The following ZNF544 variants were observed in gnomAD, a reference collection of about 807,000 sequenced individuals.
ZNF544 encodes the protein zinc finger protein AF020591.
A neutral mutation model predicts 13.5 loss-of-function variants in ZNF544; 10 were observed. The observed-to-expected ratio is 0.74, with a 90% CI of 0.46 to 1.25. The LOEUF (loss-of-function observed/expected upper bound fraction) is 1.25, where lower values mean the gene tolerates loss of function less well. Among genes scored for constraint, ZNF544 ranks in the 50% most tolerant of loss-of-function variants. The pLI, the probability that ZNF544 is intolerant of heterozygous loss-of-function variation, is 0.00. For missense variants in ZNF544, 896 were observed against 845.6 expected (o/e 1.06, Z -0.74); for synonymous variants, 323 against 300.5 (o/e 1.07, Z -0.77).
downstream of ZNF544, chr19:58,266,622 G>A (rs916960155): frequency 4.6e-5 from 7 of 151,890 alleles, no homozygotes; most frequent in Non-Finnish European, 7.4e-5. Flanking sequence ...GGCAGCAGAT[G>A]TGGCAGCCCC....
chr19:58,272,872 CA>C (rs60087012), intron 5 of ZNF544, among the ~76,000 whole-genome samples: 60 of 128,500 alleles, frequency 4.7e-4, no homozygotes, highest in Admixed American at 5.6e-4. Context: ...GTCTCCTTCT[CA>C]AAAAAAAAAA....
intron 3 of ZNF544, among the ~76,000 whole-genome samples, chr19:58,238,526 G>A (rs974935249): frequency 1.3e-5 from 2 of 152,150 alleles, no homozygotes; most frequent in African/African-American, 2.4e-5. Flanking sequence ...AGGAGAGCAC[G>A]CAGGAGGCGT....
rs1011474187 is a variant in ZNF544, at chr19:58,262,258, T to G, written c.1652T>G (p.Ile551Ser). The change falls in exon 7 of 7, where the codon ATT becomes AGT. Residue 551 changes from isoleucine (I) to serine (S), a missense_variant. Coordinates refer to ENST00000687789, the MANE Select transcript of ZNF544 (RefSeq NM_014480.4). Reference protein sequence around the residue: ...IHTGEKPYQCIECGKSFRWNS... With the variant: ...IHTGEKPYQCSECGKSFRWNS... ...ACTGGAGAAAAACCGTATCAGTGTA[T>G]TGAATGTGGGAAATCCTTCAGATGG... The G allele has an allele frequency of 6.2e-7, 1 of 1,613,888 alleles. No individual in the cohort carries two copies. Among genetic ancestry groups the G allele is most frequent in the African/African-American group, 1.3e-5 (1 of 74,930 alleles).
In ZNF544 at chr19:58,261,492, AGTC is replaced by A. The variant is rs1472661504; in HGVS notation, c.887_889del (p.Ser296_Gln297delinsLys). 1 of 1,614,044 alleles carries A rather than the reference AGTC, an allele frequency of 6.2e-7. No individual in the cohort carries two copies. Among genetic ancestry groups the A allele is most frequent in the Non-Finnish European group, 8.5e-7 (1 of 1,180,042 alleles). ...ACAGAAGCCAGTGCATTTTGGGAAA[AGTC>A]AGTATGAGTGTGATGAGTGCAGGGA... is the stretch of plus-strand genomic sequence containing the variant. On this transcript the variant is annotated inframe_deletion, in exon 7 of 7. Coordinates refer to ENST00000687789, the MANE Select transcript of ZNF544 (RefSeq NM_014480.4).
At chr19:58,243,080 A>T (rs746681399) in intron 3 of ZNF544, among the ~76,000 whole-genome samples, 5 of 152,102 alleles carry the variant, frequency 3.3e-5, no homozygotes, top group African/African-American at 4.8e-5. Context: ...TGCCTGCTTC[A>T]GCCTCCCAAA....
chr19:58,261,927 T>C lies in ZNF544; in HGVS notation c.1321T>C (p.Cys441Arg), dbSNP rs1268058667. The C allele has an allele frequency of 4.3e-6, 7 of 1,613,186 alleles. No individual in the cohort carries two copies. Among genetic ancestry groups the C allele is most frequent in the Non-Finnish European group, 5.9e-6 (7 of 1,179,868 alleles). The part of the protein sequence containing the change: ...TGEKPYQCIE[C>R]RKSFRWNSNL... The stretch of plus-strand genomic sequence containing the variant: ...AGAAAAACCGTATCAGTGTATTGAA[T>C]GCAGAAAATCCTTCAGGTGGAACTC... Residue 441 changes from cysteine to arginine, a missense_variant, in exon 7 of 7, where the codon TGC becomes CGC. By Grantham distance (180) the Cys-to-Arg change is radical. Coordinates refer to ENST00000687789, the MANE Select transcript of ZNF544 (RefSeq NM_014480.4).
At chr19:58,276,472 TTTA>T in intron 6 of ZNF544, 3 of 1,163,380 alleles carry the variant, frequency 2.6e-6, no homozygotes, top group Non-Finnish European at 3.2e-6. Flanking sequence ...TTATTTTTAT[TTTA>T]TTTTATTTTT....
intron 3 of ZNF544, among the ~76,000 whole-genome samples, chr19:58,240,680 T>G (rs1387061761): frequency 6.6e-6 from 1 of 151,774 alleles, no homozygotes. Context: ...GAGAATCGCT[T>G]GAACCTGGGA....
At position 58,237,213 on chromosome 19, in the gene ZNF544, G is replaced by A. The variant is rs567388746; in HGVS notation, c.-60+6751G>A. On this transcript the variant is annotated intron_variant, in intron 3 of 6. Transcript: ENST00000687789. ...CAGGTAGCTGGGACTACAGGTGTGC[G>A]CCACCACACCTGGCTAATTTTTGTA... Among the ~76,000 whole-genome samples, 13 of 152,078 alleles carry A rather than the reference G, an allele frequency of 8.5e-5. No homozygotes were observed. In the East Asian group the frequency reaches 2.3e-3, roughly 27 times the overall value.
At chr19:58,243,069 C>T (rs573414789) in intron 3 of ZNF544, among the ~76,000 whole-genome samples, 11 of 152,284 alleles carry the variant, frequency 7.2e-5, no homozygotes, top group South Asian at 4.1e-4. Context: ...CTCAAGCAGT[C>T]TGCCTGCTTC....
intron 3 of ZNF544, among the ~76,000 whole-genome samples, chr19:58,239,705 C>G (rs2043156856): frequency 6.6e-6 from 1 of 152,144 alleles, no homozygotes; most frequent in African/African-American, 2.4e-5. Flanking sequence ...TTGAGCCCAG[C>G]CTGGCCAACA....
At chr19:58,254,698 T>C (rs539866689) in intron 6 of ZNF544, among the ~76,000 whole-genome samples, 2 of 152,310 alleles carry the variant, frequency 1.3e-5, no homozygotes, top group South Asian at 2.1e-4. Flanking sequence ...TCCCAGACTT[T>C]TAGTATCCCA....
downstream of ZNF544, among the ~76,000 whole-genome samples, chr19:58,265,090 G>T (rs1703486928): frequency 6.6e-6 from 1 of 152,144 alleles, no homozygotes; most frequent in South Asian, 2.1e-4. Flanking sequence ...CAGTTGGTTT[G>T]ATTGTAATCA....
intron 5 of ZNF544, among the ~76,000 whole-genome samples, chr19:58,274,770 T>C (rs2051089775): frequency 6.6e-6 from 1 of 152,190 alleles, no homozygotes; most frequent in South Asian, 2.1e-4. Flanking sequence ...TTAAGGCAGT[T>C]GAGTTCCCAT....
intron 5 of ZNF544, among the ~76,000 whole-genome samples, chr19:58,269,445 CAAACAAAAA>C (rs2050338884): frequency 1.2e-5 from 1 of 82,548 alleles, no homozygotes. Flanking sequence ...CAAAAAAAAA[CAAACAAAAA>C]AAATGTCAGG....
intron 6 of ZNF544, chr19:58,251,311 C>T (rs779031567): frequency 1.7e-5 from 9 of 519,044 alleles, no homozygotes; most frequent in South Asian, 7.0e-5. Flanking sequence ...TAAACAGGTA[C>T]TTCAGGTCTT....
chr19:58,254,000 G>A (rs1035359889), intron 6 of ZNF544, among the ~76,000 whole-genome samples: 7 of 152,060 alleles, frequency 4.6e-5, no homozygotes, highest in Non-Finnish European at 7.4e-5. Flanking sequence ...CCAGGCAGGC[G>A]GATCACGAGG....
At chr19:58,233,922 CT>C in intron 3 of ZNF544, among the ~76,000 whole-genome samples, 1 of 152,312 alleles carries the variant, frequency 6.6e-6, no homozygotes, top group East Asian at 1.9e-4. Flanking sequence ...AAGATATAAA[CT>C]TTCCCAAGTT....
chr19:58,253,736 G>A (rs938906824), intron 6 of ZNF544, among the ~76,000 whole-genome samples: 41 of 152,202 alleles, frequency 2.7e-4, no homozygotes, highest in African/African-American at 7.9e-4. Context: ...CACCATGCCC[G>A]GCCAAACTAG....
Sources: gnomAD v4.1 joint callset for allele counts (sites outside exome capture counted in the v4.1 genomes callset) on GRCh38, gnomAD v4.1.1 for gene constraint, MANE v1.5 for transcripts, NCBI Gene and HGNC (gene_info 2026-07-23, HGNC 2026-07-21) for gene names.